The following GNG12 variants were observed in gnomAD, a reference collection of about 807,000 sequenced individuals.
GNG12 encodes the protein guanine nucleotide-binding protein G(I)/G(S)/G(O) subunit gamma-12.
For synonymous variants in GNG12, 28 were observed against 29.7 expected, an observed-to-expected ratio of 0.94 and a Z score of 0.19; for missense variants, 69 against 83.8, an observed-to-expected ratio of 0.82 and a Z score of 0.69.
intron 2 of GNG12, among the ~76,000 whole-genome samples, chr1:67,775,479 A>G (rs933948430): frequency 6.6e-6 from 1 of 152,234 alleles, no homozygotes; most frequent in African/African-American, 2.4e-5. Flanking sequence ...ATGAATATAG[A>G]TGGCCCAGTG....
chr1:67,752,765 T>C (rs183809544), intron 2 of GNG12, among the ~76,000 whole-genome samples: 2 of 152,364 alleles, frequency 1.3e-5, no homozygotes, highest in East Asian at 3.9e-4. Context: ...CATTACTTTA[T>C]TTTAGCAACA....
At chr1:67,718,273 T>A (rs1220124485) in intron 2 of GNG12, among the ~76,000 whole-genome samples, 2 of 152,182 alleles carry the variant, frequency 1.3e-5, no homozygotes, top group Non-Finnish European at 2.9e-5. Flanking sequence ...CTCCTTTTGC[T>A]TCTGCCCTCT....
At chr1:67,826,386 G>C (rs578013725) in intron 1 of GNG12, among the ~76,000 whole-genome samples, 1 of 152,278 alleles carries the variant, frequency 6.6e-6, no homozygotes, top group South Asian at 2.1e-4. Context: ...TTGCCTCCTT[G>C]CCCAGGCACT....
chr1:67,808,254 T>A (rs1370452522), intron 1 of GNG12, among the ~76,000 whole-genome samples: 1 of 151,994 alleles, frequency 6.6e-6, no homozygotes, highest in Non-Finnish European at 1.5e-5. Flanking sequence ...AAATCCAACA[T>A]CTATTCATGA....
chr1:67,717,626 T>C (rs1646333626), intron 2 of GNG12, among the ~76,000 whole-genome samples: 1 of 152,232 alleles, frequency 6.6e-6, no homozygotes, highest in African/African-American at 2.4e-5. Flanking sequence ...TTAAGTGTTC[T>C]TCAGACTGAA....
rs1481967620 is a variant in GNG12, at chr1:67,704,011, G to T, written c.*1440C>A. On this transcript the variant is annotated 3_prime_UTR_variant, in exon 4 of 4. Transcript: ENST00000370982. ...TTAAAGCATCAAAGGCCTAGTGTAT[G>T]ATTTGACTCCGAAGTGACCCTCTCT... The T allele has an allele frequency of 1.3e-5, 2 of 152,240 alleles. No homozygotes were observed. Among genetic ancestry groups the T allele is most frequent in the African/African-American group, 4.8e-5 (2 of 41,462 alleles). 9.4% of individuals were successfully genotyped at this position (152,240 alleles called of 1,614,324 possible). A position where few individuals can be genotyped will look rare whatever the true frequency, so the allele number is the denominator to read the frequency against.
intron 2 of GNG12, among the ~76,000 whole-genome samples, chr1:67,741,182 T>C (rs1646481069): frequency 6.6e-6 from 1 of 152,210 alleles, no homozygotes; most frequent in Admixed American, 6.5e-5. Flanking sequence ...AAGTTAAAGA[T>C]TAGTGGCAAG....
intron 1 of GNG12, among the ~76,000 whole-genome samples, chr1:67,779,851 C>A (rs772540873): frequency 6.6e-6 from 1 of 152,152 alleles, no homozygotes; most frequent in African/African-American, 2.4e-5. Context: ...CACACCTAGG[C>A]TACATGGTAG....
At chr1:67,827,866 A>G (rs1173535075) in intron 1 of GNG12, among the ~76,000 whole-genome samples, 1 of 152,238 alleles carries the variant, frequency 6.6e-6, no homozygotes, top group East Asian at 1.9e-4. Context: ...CTAACATGAT[A>G]AACCAAACAC....
intron 2 of GNG12, among the ~76,000 whole-genome samples, chr1:67,759,245 G>A (rs1038979750): frequency 1.1e-4 from 16 of 152,216 alleles, no homozygotes; most frequent in Admixed American, 3.3e-4. Context: ...ACTAATGGAG[G>A]CCAGAGGGCA....
chr1:67,730,997 A>T (rs1176473264), intron 2 of GNG12, among the ~76,000 whole-genome samples: 1 of 152,194 alleles, frequency 6.6e-6, no homozygotes, highest in Non-Finnish European at 1.5e-5. Context: ...AACATCTGTC[A>T]GCTTTTCAAA....
intron 2 of GNG12, among the ~76,000 whole-genome samples, chr1:67,724,701 A>G (rs1197727543): frequency 1.3e-5 from 2 of 152,136 alleles, no homozygotes; most frequent in African/African-American, 4.8e-5. Flanking sequence ...AATTCTATTC[A>G]TATAAAGTTC....
At chr1:67,725,296 C>G (rs1423227186) in intron 2 of GNG12, among the ~76,000 whole-genome samples, 2 of 152,114 alleles carry the variant, frequency 1.3e-5, no homozygotes, top group East Asian at 3.8e-4. Context: ...TTTCTTTCTT[C>G]CCTCATCTCA....
chr1:67,725,298 C>G (rs1162588892), intron 2 of GNG12, among the ~76,000 whole-genome samples: 3 of 152,162 alleles, frequency 2.0e-5, no homozygotes, highest in Non-Finnish European at 4.4e-5. Context: ...TCTTTCTTCC[C>G]TCATCTCACC....
intron 2 of GNG12, among the ~76,000 whole-genome samples, chr1:67,759,583 G>A (rs1255803826): frequency 3.3e-5 from 5 of 152,138 alleles, no homozygotes; most frequent in Non-Finnish European, 5.9e-5. Context: ...GTACCTCAAA[G>A]AGTTGCTGTG....
chr1:67,762,834 C>T (rs1646613518), intron 2 of GNG12, among the ~76,000 whole-genome samples: 1 of 151,910 alleles, frequency 6.6e-6, no homozygotes, highest in Non-Finnish European at 1.5e-5. Flanking sequence ...TTTTGTTCTT[C>T]CTTTTTTAAA....
At chr1:67,759,687 G>C (rs995690591) in intron 2 of GNG12, among the ~76,000 whole-genome samples, 2 of 152,084 alleles carry the variant, frequency 1.3e-5, no homozygotes, top group African/African-American at 4.8e-5. Flanking sequence ...ATTCCTAGAA[G>C]CTTCCCCAAA....
At chr1:67,747,951 G>C (rs942927784) in intron 2 of GNG12, among the ~76,000 whole-genome samples, 1 of 152,220 alleles carries the variant, frequency 6.6e-6, no homozygotes, top group African/African-American at 2.4e-5. Flanking sequence ...TGAGGCTGCT[G>C]GCTATGAGGA....
chr1:67,734,265 G>C (rs573118785), intron 2 of GNG12, among the ~76,000 whole-genome samples: 1 of 152,046 alleles, frequency 6.6e-6, no homozygotes, highest in South Asian at 2.1e-4. Flanking sequence ...GGCAGCTAGA[G>C]AGAGTGCTAG....
Sources: allele counts gnomAD v4.1 joint callset (sites outside exome capture counted in the v4.1 genomes callset), GRCh38; gene constraint gnomAD v4.1.1; transcripts MANE v1.5; gene names NCBI Gene and HGNC (gene_info 2026-07-23, HGNC 2026-07-21).